The following SPG7 variants were observed in gnomAD, a reference collection of about 807,000 sequenced individuals.
The protein encoded by SPG7 is SPG7 matrix AAA peptidase subunit, paraplegin.
SPG7 carries 103 observed loss-of-function variants against 81.9 expected under a neutral mutation model. The observed-to-expected ratio is 1.26, with a 90% CI of 1.07 to 1.48. The LOEUF (loss-of-function observed/expected upper bound fraction) is 1.48. Ranked by LOEUF, SPG7 falls within the 40% of genes most tolerant of loss-of-function variation. The probability of loss-of-function intolerance (pLI) is 0.00; values close to 1 mark genes in which losing one functional copy is unlikely to be tolerated. For synonymous variants in SPG7, 534 were observed against 444.2 expected, an observed-to-expected ratio of 1.20 and a Z score of -2.54; for missense variants, 1,241 against 1,087.3, an observed-to-expected ratio of 1.14 and a Z score of -1.99.
intron 9 of SPG7, chr16:89,537,335 G>T: frequency 8.4e-7 from 1 of 1,185,998 alleles, no homozygotes; most frequent in Non-Finnish European, 1.1e-6. Context: ...CGCCGGCGAT[G>T]GACGTCCAGG....
intron 9 of SPG7, chr16:89,537,800 GGGTCCT>G (rs1250024543): frequency 2.0e-5 from 20 of 984,878 alleles, no homozygotes; most frequent in East Asian, 1.1e-4. Context: ...TGGGAAGCTG[GGGTCCT>G]GGTCCTGGTC....
intron 1 of SPG7, among the ~76,000 whole-genome samples, chr16:89,510,203 G>C (rs2057995979): frequency 6.6e-6 from 1 of 151,750 alleles, no homozygotes; most frequent in Non-Finnish European, 1.5e-5. Context: ...TCAAACTCCT[G>C]ACTTCATGTG....
chr16:89,529,109 G>A (rs1242996751), intron 5 of SPG7: 3 of 348,204 alleles, frequency 8.6e-6, no homozygotes, highest in African/African-American at 6.4e-5. Context: ...ACCGCGCCCG[G>A]CCTGAGATTT....
At chr16:89,556,784 C>G (rs934144381) in intron 16 of SPG7, 103 bp from the exon 17 acceptor site, 24 of 926,794 alleles carry the variant, frequency 2.6e-5, no homozygotes, top group South Asian at 5.2e-5. Flanking sequence ...TCCTGGGTGT[C>G]CTGCACACAG....
At chr16:89,529,795 G>T in intron 6 of SPG7, 1 of 619,408 alleles carries the variant, frequency 1.6e-6, no homozygotes, top group Admixed American at 2.4e-5. Context: ...CTAACTCTGG[G>T]GTGCCTGAGC....
intron 3 of SPG7, 114 bp downstream of exon 3, chr16:89,513,151 A>G (rs2058045023): frequency 6.2e-6 from 9 of 1,454,126 alleles, no homozygotes; most frequent in Non-Finnish European, 8.4e-6. Context: ...GGCCGGGTGC[A>G]GTGGCTCACA....
At chr16:89,508,697 G>T in intron 1 of SPG7, 97 bp downstream of exon 1, 2 of 1,260,146 alleles carry the variant, frequency 1.6e-6, no homozygotes, top group Non-Finnish European at 2.2e-6. Flanking sequence ...GGCCCCTGCG[G>T]CGGGGGAGCC....
At chr16:89,548,229 C>A in intron 12 of SPG7, 116 bp downstream of exon 12, 1 of 734,326 alleles carries the variant, frequency 1.4e-6, no homozygotes, top group Admixed American at 1.9e-5. Flanking sequence ...AAGGAACACA[C>A]GTTGCGTTTC....
chr16:89,550,233 C>T, intron 12 of SPG7: 2 of 422,486 alleles, frequency 4.7e-6, no homozygotes, highest in East Asian at 1.0e-4. Context: ...AGTGCAGTGG[C>T]ATGATCTTGC....
At chr16:89,528,290 G>T (rs1302190686) in intron 5 of SPG7, among the ~76,000 whole-genome samples, 1 of 151,988 alleles carries the variant, frequency 6.6e-6, no homozygotes, top group African/African-American at 2.4e-5. Context: ...TACTCGGGAG[G>T]CTGAGGCAGG....
intron 16 of SPG7, chr16:89,555,115 C>T (rs1309788154): frequency 1.3e-5 from 2 of 155,422 alleles, no homozygotes; most frequent in African/African-American, 5.0e-5. Flanking sequence ...TGGAGTCTCT[C>T]TCTGTCACGA....
chr16:89,535,176 G>T (rs578261520), intron 9 of SPG7, among the ~76,000 whole-genome samples: 17 of 152,314 alleles, frequency 1.1e-4, no homozygotes, highest in African/African-American at 4.1e-4. Flanking sequence ...GTGCCTTGAG[G>T]TTTACAGTGT....
chr16:89,514,784 C>T (rs1383504892), intron 3 of SPG7, among the ~76,000 whole-genome samples: 3 of 152,066 alleles, frequency 2.0e-5, no homozygotes, highest in Admixed American at 2.0e-4. Context: ...AGGCGTGAGC[C>T]ACCGCGTCAG....
intron 3 of SPG7, chr16:89,521,312 G>C (rs1239949692): frequency 1.3e-5 from 2 of 152,298 alleles, no homozygotes; most frequent in African/African-American, 2.4e-5. Flanking sequence ...CCCTGACACA[G>C]CGGGGCTAAG....
At chr16:89,545,056 A>G (rs2058546376) in intron 10 of SPG7, 2 of 482,362 alleles carry the variant, frequency 4.1e-6, no homozygotes, top group African/African-American at 2.0e-5. Context: ...TTCACCTGCT[A>G]TTGGTTTTCC....
At position 89,532,466 on chromosome 16, in the gene SPG7, T is replaced by G; in HGVS notation, c.1154T>G (p.Leu385Arg). 2.5e-6 allele frequency: 4 copies of G among 1,613,454 alleles called. No homozygotes were observed. Among genetic ancestry groups the G allele is most frequent in the Non-Finnish European group, 3.4e-6 (4 of 1,180,030 alleles). ...GATTCTCTCTGTGTCCCCTCAGGCC[T>G]CGGCGCTGCCCGTGTGCGGAGCCTC... is the stretch of plus-strand genomic sequence containing the variant. ...GPEFVEVIGG[L>R]GAARVRSLFK... Residue 385 changes from leucine to arginine, a missense_variant, in exon 9 of 17, where the codon CTC becomes CGC. Coordinates refer to ENST00000645818, the MANE Select transcript of SPG7 (RefSeq NM_003119.4).
chr16:89,536,812 A>G (rs1346669548), intron 9 of SPG7: 1 of 1,614,102 alleles, frequency 6.2e-7, no homozygotes. Flanking sequence ...GAGGAAGCTC[A>G]GAGGAAAGAC....
chr16:89,524,242 C>T lies in SPG7; in HGVS notation c.613C>T (p.Arg205Trp), dbSNP rs1555611538. The part of the protein sequence containing the change: ...YLHPGAVVFG[R>W]PRLALMYRMQ... ...GCACCCTGGAGCCGTGGTGTTTGGG[C>T]GGCCTGTGAGTGAGGGTGCGGGAGG... The change falls in exon 4 of 17, where the codon CGG becomes TGG. Residue 205 changes from arginine (R) to tryptophan (W), a missense_variant. Transcript: ENST00000645818. 8 of 1,609,602 alleles carry T rather than the reference C, an allele frequency of 5.0e-6. No homozygotes were observed. Among genetic ancestry groups the T allele is most frequent in the African/African-American group, 1.3e-5 (1 of 74,460 alleles).
At position 89,530,890 on chromosome 16, in the gene SPG7, G is replaced by T; in HGVS notation, c.987+82G>T. 4 of 1,586,204 alleles carry T rather than the reference G, an allele frequency of 2.5e-6. No individual in the cohort carries two copies. In the South Asian group the frequency reaches 4.4e-5, roughly 18 times the overall value. The stretch of plus-strand genomic sequence containing the variant: ...CCCAGAAGGGCTCCTGCGGGACCTG[G>T]AATTCCATCGATGACGTGTCGTGGG... On this transcript the variant is annotated intron_variant, in intron 7 of 16. Transcript: ENST00000645818.
Sources: gnomAD v4.1 joint callset for allele counts (sites outside exome capture counted in the v4.1 genomes callset) on GRCh38, gnomAD v4.1.1 for gene constraint, MANE v1.5 for transcripts, NCBI Gene and HGNC (gene_info 2026-07-23, HGNC 2026-07-21) for gene names.